The following HIVEP3 variants were observed in gnomAD, a reference collection of about 807,000 sequenced individuals.
The protein encoded by HIVEP3 is transcription factor HIVEP3.
Under a neutral mutation model 152.8 loss-of-function variants are expected in HIVEP3, and 49 were observed. The observed-to-expected ratio is 0.32, with a 90% confidence interval of 0.26 to 0.41. The LOEUF is 0.41. Among genes scored for constraint, HIVEP3 ranks in the 10% least tolerant of loss-of-function variants. The pLI, the probability that HIVEP3 is intolerant of heterozygous loss-of-function variation, is 1.00. For missense variants in HIVEP3, 2,790 were observed against 3,103.3 expected, an observed-to-expected ratio of 0.90 and a Z score of 2.40; for synonymous variants, 1,269 against 1,289.0, an observed-to-expected ratio of 0.98 and a Z score of 0.33.
intron 1 of HIVEP3, among the ~76,000 whole-genome samples, chr1:41,944,706 T>C (rs1645065373): frequency 6.6e-6 from 1 of 152,164 alleles, no homozygotes; most frequent in Non-Finnish European, 1.5e-5. Flanking sequence ...TGAGCATCAC[T>C]AATCCGATAA....
intron 1 of HIVEP3, among the ~76,000 whole-genome samples, chr1:42,013,651 AC>A (rs1432373944): frequency 6.6e-6 from 1 of 152,232 alleles, no homozygotes; most frequent in African/African-American, 2.4e-5. Flanking sequence ...AAAATTTTGT[AC>A]AACTTCATTA....
intron 1 of HIVEP3, among the ~76,000 whole-genome samples, chr1:41,961,373 C>A (rs1645168589): frequency 6.6e-6 from 1 of 152,230 alleles, no homozygotes; most frequent in Non-Finnish European, 1.5e-5. Context: ...CACTAAATTC[C>A]AGGGAATTTT....
At chr1:41,627,927 C>T (rs1282073450) in intron 3 of HIVEP3, among the ~76,000 whole-genome samples, 1 of 151,986 alleles carries the variant, frequency 6.6e-6, no homozygotes, top group African/African-American at 2.4e-5. Flanking sequence ...ACCAGGCACC[C>T]TCTTTCTAAT....
rs756435859 is a variant in HIVEP3 at position 41,575,653 on chromosome 1, T to C, written c.5098A>G (p.Lys1700Glu). Residue 1700 changes from lysine (K) to glutamate (E), a missense_variant, in exon 5 of 9, where the codon AAA (lysine) becomes GAA (glutamate). By Grantham distance (56) the Lys-to-Glu change is moderately conservative. Around this residue, in one of 9 missense-constraint regions of HIVEP3, gnomAD observed 1,078 missense variants for 1,165.3 expected, o/e 0.93. Coordinates refer to ENST00000372583, the MANE Select transcript of HIVEP3 (RefSeq NM_024503.5). ...LPSLVSPEGQ[K>E]DLARVEKEEE... ...TCCTTCTCCACTCTAGCTAGATCTT[T>C]CTGGCCTTCCGGGGAAACCAGTGAA... 14 of 1,614,144 alleles carry C rather than the reference T, an allele frequency of 8.7e-6. No individual in the cohort carries two copies. The Middle Eastern group carries it at 4.9e-4, about 57-fold the overall frequency.
intron 1 of HIVEP3, among the ~76,000 whole-genome samples, chr1:41,730,650 G>A (rs1048058996): frequency 2.0e-5 from 3 of 152,256 alleles, no homozygotes; most frequent in Non-Finnish European, 2.9e-5. Flanking sequence ...CTCTTTGCAC[G>A]TTAATAATGC....
intron 1 of HIVEP3, among the ~76,000 whole-genome samples, chr1:41,924,575 T>C (rs1644958503): frequency 6.6e-6 from 1 of 152,050 alleles, no homozygotes. Flanking sequence ...AAAATGTCCT[T>C]GGGCAAGTTA....
In HIVEP3 at chr1:41,664,564, C is replaced by T. The variant is rs1645765435; in HGVS notation, c.-720-35617G>A. Among the ~76,000 whole-genome samples, 5 of 152,226 alleles carry T rather than the reference C, an allele frequency of 3.3e-5. No homozygotes were observed. Reference sequence around the variant, plus strand: ...TCCTCAGACTGGGAGCTTCAGGGAACTTTCCATCTTGATCCCTCTCCCCTC... The same window carrying T: ...TCCTCAGACTGGGAGCTTCAGGGAATTTTCCATCTTGATCCCTCTCCCCTC... On this transcript the variant is annotated intron_variant, in intron 2 of 8. Coordinates refer to ENST00000372583, the MANE Select transcript of HIVEP3 (RefSeq NM_024503.5). The surrounding 1 kb of genome is among the most constrained non-coding windows in gnomAD (Gnocchi z 4.4).
At chr1:41,839,395 T>G (rs1643220038) in intron 1 of HIVEP3, among the ~76,000 whole-genome samples, 1 of 152,182 alleles carries the variant, frequency 6.6e-6, no homozygotes, top group African/African-American at 2.4e-5. Flanking sequence ...CCTGCAGTCC[T>G]AAGTTCTCAG....
intron 1 of HIVEP3, among the ~76,000 whole-genome samples, chr1:42,011,154 G>A (rs1362042649): frequency 6.6e-6 from 1 of 152,116 alleles, no homozygotes; most frequent in Non-Finnish European, 1.5e-5. Context: ...AAGATTCCAA[G>A]AAGGCAGGGG....
At chr1:41,632,278 C>T (rs1472516846) in intron 2 of HIVEP3, among the ~76,000 whole-genome samples, 3 of 152,256 alleles carry the variant, frequency 2.0e-5, no homozygotes, top group East Asian at 3.9e-4. Flanking sequence ...CCACTCAGTG[C>T]CTATTTTGGG....
chr1:41,871,547 A>C (rs1336363535), intron 1 of HIVEP3, among the ~76,000 whole-genome samples: 1 of 152,242 alleles, frequency 6.6e-6, no homozygotes, highest in Non-Finnish European at 1.5e-5. Flanking sequence ...TGAGATCTTT[A>C]AACAGTAAGT....
At position 41,582,197 on chromosome 1, in the gene HIVEP3, C is replaced by G; in HGVS notation, c.2601G>C (p.Pro867=). ...TAGGGGGCGGCTCTGGCTCTGTGTC[C>G]GGCCGGTCAGGCTCCTCAGTTACTA... ...EILVTEEPDR[P]DTEPEPPPKE... The change falls in exon 4 of 9, where the codon CCG becomes CCC. Residue 867 remains proline, a synonymous_variant. Transcript: ENST00000372583. This position sits in a 1 kb window ranked among gnomAD's most constrained non-coding sequence, Gnocchi z 4.7. 6.2e-7 allele frequency: 1 copy of G among 1,613,982 alleles called. No homozygotes were observed. The highest frequency in any genetic ancestry group is 8.5e-7 in the Non-Finnish European group (1 of 1,179,968).
intron 2 of HIVEP3, among the ~76,000 whole-genome samples, chr1:41,632,992 G>A (rs1645217490): frequency 1.3e-5 from 2 of 151,982 alleles, no homozygotes; most frequent in South Asian, 2.1e-4. Context: ...CAGGGTGAGG[G>A]GTGTGGCTTG....
At chr1:41,928,543 A>T (rs1294110121) in intron 1 of HIVEP3, among the ~76,000 whole-genome samples, 11 of 152,162 alleles carry the variant, frequency 7.2e-5, no homozygotes, top group Non-Finnish European at 1.6e-4. Context: ...AATTTTCTCT[A>T]ATGTTACCAG....
chr1:41,990,271 G>C (rs1309297273), intron 1 of HIVEP3, among the ~76,000 whole-genome samples: 1 of 141,102 alleles, frequency 7.1e-6, no homozygotes, highest in Non-Finnish European at 1.5e-5. Context: ...CTGGCTTGTA[G>C]GGTTTCTGCT....
chr1:41,593,785 C>T (rs1026816324), intron 3 of HIVEP3, among the ~76,000 whole-genome samples: 1 of 152,252 alleles, frequency 6.6e-6, no homozygotes, highest in Non-Finnish European at 1.5e-5. Context: ...AATTTACTAT[C>T]TTATAGTTCG....
Position 41,862,061 on chromosome 1 carries a change from T to C in HIVEP3, c.-801+56352A>G, listed in dbSNP as rs1173902172. The stretch of plus-strand genomic sequence containing the variant: ...AAACTTGGGGGATGTGAGGTGGAGG[T>C]GGCATCGTCAGACATAAAGACACAG... On this transcript the variant is annotated intron_variant, in intron 1 of 8. Coordinates refer to ENST00000372583, the MANE Select transcript of HIVEP3 (RefSeq NM_024503.5). 2.0e-5 allele frequency among the ~76,000 whole-genome samples: 3 copies of C among 151,814 alleles called. No individual in the cohort carries two copies. In the East Asian group the frequency reaches 5.8e-4, roughly 29 times the overall value.
chr1:41,560,739 G>A (rs1644047610), intron 5 of HIVEP3, among the ~76,000 whole-genome samples: 1 of 152,180 alleles, frequency 6.6e-6, no homozygotes, highest in Non-Finnish European at 1.5e-5. Flanking sequence ...CAGGCTGTGG[G>A]TAGAGAGGTG....
Position 41,513,162 on chromosome 1 carries a change from C to A in HIVEP3, c.6059G>T (p.Gly2020Val), listed in dbSNP as rs751693193. The A allele has an allele frequency of 3.1e-6, 5 of 1,613,744 alleles. No individual in the cohort carries two copies. The highest frequency in any genetic ancestry group is 4.2e-6 in the Non-Finnish European group (5 of 1,179,982). The change falls in exon 8 of 9, where the codon GGC (glycine) becomes GTC (valine). Residue 2020 changes from glycine (G) to valine (V), a missense_variant. Transcript: ENST00000372583. ...PPGLHVDPGR[G>V]MGALPCGSPR... ...AGACCCACAAGGGAGAGCGCCCATGCCCCTTCCTGGGTCCACGTGCAGGCC... is the reference window on the plus strand; with the variant it reads ...AGACCCACAAGGGAGAGCGCCCATGACCCTTCCTGGGTCCACGTGCAGGCC...
Sources: allele counts gnomAD v4.1 joint callset (sites outside exome capture counted in the v4.1 genomes callset), GRCh38; gene constraint gnomAD v4.1.1; regional missense constraint gnomAD v4.1.1; non-coding constraint Gnocchi (gnomAD v3.1); transcripts MANE v1.5; gene names NCBI Gene and HGNC (gene_info 2026-07-23, HGNC 2026-07-21).